LRRC7: variants seen among roughly 807,000 people sequenced by gnomAD.
LRRC7 encodes the protein leucine rich repeat containing 7, also known as leucine-rich repeat-containing protein 7.
In LRRC7, 23 loss-of-function variants were observed where a neutral mutation model predicts 175.7. That is an observed-to-expected ratio of 0.13 (90% CI 0.09 to 0.19). The LOEUF is 0.19. Ranked by LOEUF, LRRC7 falls within the 10% of genes least tolerant of loss-of-function variation. The pLI is 1.00. For synonymous variants in LRRC7, 685 were observed against 680.9 expected, an observed-to-expected ratio of 1.01 and a Z score of -0.09; for missense variants, 1,354 against 1,904.7, an observed-to-expected ratio of 0.71 and a Z score of 5.38.
At chr1:69,891,727 G>T (rs1459027671) in intron 7 of LRRC7, among the ~76,000 whole-genome samples, 1 of 147,740 alleles carries the variant, frequency 6.8e-6, no homozygotes, top group Non-Finnish European at 1.5e-5. Flanking sequence ...GTAAGACTTT[G>T]TCTCAAAAAC....
intron 1 of LRRC7, among the ~76,000 whole-genome samples, chr1:69,671,415 G>A (rs747770253): frequency 1.2e-4 from 18 of 152,100 alleles, no homozygotes; most frequent in Non-Finnish European, 2.1e-4. Context: ...CCTCAAGCAG[G>A]AGGAAGGAGT....
At chr1:69,593,873 C>G (rs747184023) in intron 1 of LRRC7, among the ~76,000 whole-genome samples, 1 of 152,164 alleles carries the variant, frequency 6.6e-6, no homozygotes, top group Non-Finnish European at 1.5e-5. Context: ...CTGGGAACTT[C>G]TTACAACCAT....
intron 15 of LRRC7, among the ~76,000 whole-genome samples, chr1:70,019,751 A>G (rs2101970703): frequency 6.6e-6 from 1 of 152,098 alleles, no homozygotes; most frequent in Non-Finnish European, 1.5e-5. Context: ...TTTAATATGT[A>G]TTTTTATAAG....
intron 1 of LRRC7, among the ~76,000 whole-genome samples, chr1:69,642,520 G>A (rs539993632): frequency 6.6e-6 from 1 of 151,972 alleles, no homozygotes; most frequent in Non-Finnish European, 1.5e-5. Context: ...GACAGAATCT[G>A]TTCATGAGGA....
chr1:70,108,138 AAGTAAG>A (rs1486908022), intron 26 of LRRC7, among the ~76,000 whole-genome samples: 1 of 150,968 alleles, frequency 6.6e-6, no homozygotes, highest in Non-Finnish European at 1.5e-5. Flanking sequence ...CATAGTTATC[AAGTAAG>A]AGTAAGTTCC....
chr1:70,132,457 C>CTTTTTTTTTTTTTTTTTTTTT lies in LRRC7; in HGVS notation c.*10576_*10596dup, dbSNP rs149091576. Among the ~76,000 whole-genome samples the CTTTTTTTTTTTTTTTTTTTTT allele has an allele frequency of 9.2e-5, 7 of 76,470 alleles. No homozygotes were observed. Among genetic ancestry groups the CTTTTTTTTTTTTTTTTTTTTT allele is most frequent in the Admixed American group, 4.0e-4 (2 of 4,958 alleles). The allele number at this position is 76,470 out of a possible 152,430, so 50.2% of individuals were successfully genotyped here. A position where few individuals can be genotyped will look rare whatever the true frequency, so the allele number is the denominator to read the frequency against. Reference sequence around the variant, plus strand: ...TTTCTTTTTTCTTTTCTTTTCTTTTCTTTTTTTTTTTTTTTTTTTTTTTTT... The same window carrying CTTTTTTTTTTTTTTTTTTTTT: ...TTTCTTTTTTCTTTTCTTTTCTTTTCTTTTTTTTTTTTTTTTTTTTTTTTTTTTTTTTTTTTTTTTTTTTTT... On this transcript the variant is annotated 3_prime_UTR_variant, in exon 27 of 27. Coordinates refer to ENST00000651989, the MANE Select transcript of LRRC7 (RefSeq NM_001370785.2).
chr1:69,897,974 G>C (rs547756671), intron 7 of LRRC7, among the ~76,000 whole-genome samples: 1 of 152,096 alleles, frequency 6.6e-6, no homozygotes. Flanking sequence ...AGATTATAGC[G>C]GGCACAATGG....
At chr1:69,977,084 A>G (rs1215859000) in intron 8 of LRRC7, among the ~76,000 whole-genome samples, 4 of 152,158 alleles carry the variant, frequency 2.6e-5, no homozygotes, top group Admixed American at 2.6e-4. Context: ...ACATCACCAC[A>G]TGCTGGGAAA....
intron 8 of LRRC7, among the ~76,000 whole-genome samples, chr1:69,941,570 A>G (rs1279461485): frequency 1.3e-5 from 2 of 151,858 alleles, no homozygotes; most frequent in African/African-American, 2.4e-5. Flanking sequence ...TAGGATCTGA[A>G]TTTTGTAAAT....
intron 1 of LRRC7, among the ~76,000 whole-genome samples, chr1:69,642,941 C>T (rs1046873866): frequency 3.0e-4 from 45 of 152,180 alleles, no homozygotes; most frequent in African/African-American, 1.1e-3. Flanking sequence ...ATGCCATCTG[C>T]AGGCTGGAGA....
rs1055993449 is a variant in LRRC7 at position 70,138,181 on chromosome 1, T to C, written c.*16294T>C. On this transcript the variant is annotated 3_prime_UTR_variant, in exon 27 of 27. Transcript: ENST00000651989. ...AAAATATGTGATGGATTGTGCAGCA[T>C]GCTTACATTTGAAAATGGAGATTGT... 7 of 152,196 alleles carry C rather than the reference T, an allele frequency of 4.6e-5. No individual in the cohort carries two copies. Among genetic ancestry groups the C allele is most frequent in the African/African-American group, 1.4e-4 (6 of 41,448 alleles). The allele number at this position is 152,196 out of a possible 1,614,324, so 9.4% of individuals were successfully genotyped here. A position where few individuals can be genotyped will look rare whatever the true frequency, so the allele number is the denominator to read the frequency against.
At chr1:69,906,690 G>A (rs1209984316) in intron 7 of LRRC7, among the ~76,000 whole-genome samples, 5 of 152,234 alleles carry the variant, frequency 3.3e-5, no homozygotes, top group Admixed American at 3.3e-4. Flanking sequence ...AAGTCAGGTA[G>A]CGTGATGCCT....
intron 2 of LRRC7, among the ~76,000 whole-genome samples, chr1:69,687,832 C>A (rs1262016982): frequency 1.3e-5 from 2 of 152,088 alleles, no homozygotes; most frequent in African/African-American, 2.4e-5. Context: ...CTAATATTAA[C>A]CAGCTTGGTA....
chr1:69,568,285 G>T lies in LRRC7; in HGVS notation c.-355G>T. Reference sequence around the variant, plus strand: ...AGGGAGCTGCGCCTCCGCCACCGCCGCCGCCGCCGCCGCTGCTGCTGCGGT... The same window carrying T: ...AGGGAGCTGCGCCTCCGCCACCGCCTCCGCCGCCGCCGCTGCTGCTGCGGT... On this transcript the variant is annotated 5_prime_UTR_variant, in exon 1 of 27. Transcript: ENST00000651989. 4.9e-6 allele frequency: 1 copy of T among 203,988 alleles called. No homozygotes were observed. Among genetic ancestry groups the T allele is most frequent in the Non-Finnish European group, 9.5e-6 (1 of 105,332 alleles). The allele number at this position is 203,988 out of a possible 1,614,324, so 12.6% of individuals were successfully genotyped here. A position where few individuals can be genotyped will look rare whatever the true frequency, so the allele number is the denominator to read the frequency against.
intron 8 of LRRC7, among the ~76,000 whole-genome samples, chr1:69,945,391 T>A (rs556654617): frequency 6.6e-6 from 1 of 152,256 alleles, no homozygotes; most frequent in South Asian, 2.1e-4. Flanking sequence ...TACCATGCTG[T>A]TTCAATTACC....
intron 3 of LRRC7, among the ~76,000 whole-genome samples, chr1:69,790,530 A>T (rs1041939222): frequency 2.0e-5 from 3 of 152,008 alleles, no homozygotes; most frequent in Non-Finnish European, 4.4e-5. Context: ...TATAATAGTG[A>T]TCAGACTAGA....
intron 1 of LRRC7, among the ~76,000 whole-genome samples, chr1:69,636,633 A>G (rs1653405393): frequency 6.6e-6 from 1 of 151,942 alleles, no homozygotes; most frequent in South Asian, 2.1e-4. Context: ...AATGTTTCTT[A>G]TGTTCACCAT....
intron 7 of LRRC7, among the ~76,000 whole-genome samples, chr1:69,906,706 T>A (rs1217305787): frequency 6.6e-6 from 1 of 152,146 alleles, no homozygotes; most frequent in East Asian, 1.9e-4. Flanking sequence ...TGCCTCCAGC[T>A]TTGTTCTTTT....
rs1003220512 is a variant in LRRC7 at position 70,097,930 on chromosome 1, A to T, written c.4545+8111A>T. Among the ~76,000 whole-genome samples, 3 of 150,000 alleles carry T rather than the reference A, an allele frequency of 2.0e-5. No individual in the cohort carries two copies. In the Admixed American group the frequency reaches 2.0e-4, roughly 10 times the overall value. On this transcript the variant is annotated intron_variant, in intron 25 of 26. Coordinates refer to ENST00000651989, the MANE Select transcript of LRRC7 (RefSeq NM_001370785.2). ...AATGCTGCAATAAACATACGTGTGC[A>T]TGTGTCTTTATAGCAGCATGATTTA...
Sources: gnomAD v4.1 joint callset for allele counts (sites outside exome capture counted in the v4.1 genomes callset) on GRCh38, gnomAD v4.1.1 for gene constraint, MANE v1.5 for transcripts, NCBI Gene and HGNC (gene_info 2026-07-23, HGNC 2026-07-21) for gene names.